Variants in RSRC2 observed in about 807,000 individuals in gnomAD.
The protein encoded by RSRC2 is arginine and serine rich coiled-coil 2.
A neutral mutation model predicts 61.3 loss-of-function variants in RSRC2; 5 were observed. The ratio of observed to expected loss-of-function variants is 0.08; its 90% CI spans 0.04 to 0.17. RSRC2 has a LOEUF of 0.17. Ranked by LOEUF, RSRC2 falls within the 10% of genes least tolerant of loss-of-function variation. RSRC2 has a pLI of 1.00. For missense variants in RSRC2, 381 were observed against 518.8 expected, an observed-to-expected ratio of 0.73 and a Z score of 2.58; for synonymous variants, 202 against 166.5, an observed-to-expected ratio of 1.21 and a Z score of -1.64.
Position 122,519,800 on chromosome 12 carries a change from C to A in RSRC2, c.208-771G>T, listed in dbSNP as rs1406922959. 3 of 152,520 alleles carry A rather than the reference C, an allele frequency of 2.0e-5. No individual in the cohort carries two copies. In the East Asian group the frequency reaches 5.8e-4, roughly 29 times the overall value. The allele number at this position is 152,520 out of a possible 1,614,324, so 9.4% of individuals were successfully genotyped here. A position where few individuals can be genotyped will look rare whatever the true frequency, so the allele number is the denominator to read the frequency against. On this transcript the variant is annotated intron_variant, in intron 3 of 9. Transcript: ENST00000331738. ...AGGCCTTCACATGTGCATTCAGAGA[C>A]TCAGCTCAAATTAACTGCATGATCA...
At chr12:122,514,830 A>T (rs549588657) in intron 6 of RSRC2, 129 of 737,436 alleles carry the variant, frequency 1.7e-4, no homozygotes, top group Non-Finnish European at 2.3e-4. Context: ...AAAGTTTCAA[A>T]TGCAAACTGA....
rs1958000912 is a variant in RSRC2 at position 122,504,219 on chromosome 12, A to C, written c.*1308T>G. The C allele has an allele frequency of 6.6e-6, 1 of 152,018 alleles. No individual in the cohort carries two copies. Among genetic ancestry groups the C allele is most frequent in the Non-Finnish European group, 1.5e-5 (1 of 68,036 alleles). The allele number at this position is 152,018 out of a possible 1,614,324, so 9.4% of individuals were successfully genotyped here. A position where few individuals can be genotyped will look rare whatever the true frequency, so the allele number is the denominator to read the frequency against. On this transcript the variant is annotated 3_prime_UTR_variant, in exon 10 of 10. Coordinates refer to ENST00000331738, the MANE Select transcript of RSRC2 (RefSeq NM_023012.6). ...CTCATTCTGTGATGTTTTCCAAAGG[A>C]TTTTTCAAAGGAAAGCCAAACCTTA...
chr12:122,521,260 C>G (rs1959200191), intron 3 of RSRC2, 125 bp downstream of exon 3: 1 of 609,666 alleles, frequency 1.6e-6, no homozygotes, highest in South Asian at 2.6e-5. Flanking sequence ...ATTTTATAAC[C>G]CAATAAACCT....
chr12:122,526,191 A>G (rs1960339382), intron 1 of RSRC2: 1 of 152,296 alleles, frequency 6.6e-6, no homozygotes, highest in Non-Finnish European at 1.5e-5. Context: ...TCGGACTTCA[A>G]ATTGATTACA....
chr12:122,510,144 T>C (rs570935390), intron 7 of RSRC2, among the ~76,000 whole-genome samples: 16 of 151,772 alleles, frequency 1.1e-4, no homozygotes, highest in African/African-American at 3.6e-4. Context: ...AAATCTGCAA[T>C]GTTTGTTACG....
intron 1 of RSRC2, among the ~76,000 whole-genome samples, chr12:122,525,145 G>A (rs1222092803): frequency 1.3e-5 from 2 of 152,070 alleles, no homozygotes; most frequent in Non-Finnish European, 2.9e-5. Context: ...AGGCCGAGGC[G>A]GGTGGATCAT....
intron 5 of RSRC2, among the ~76,000 whole-genome samples, chr12:122,515,776 G>T (rs901470684): frequency 8.5e-5 from 13 of 152,142 alleles, no homozygotes; most frequent in Non-Finnish European, 1.9e-4. Flanking sequence ...GATGACCTGA[G>T]GTCAGGAGTT....
chr12:122,510,241 G>C (rs893352795), intron 7 of RSRC2, among the ~76,000 whole-genome samples: 1 of 152,090 alleles, frequency 6.6e-6, no homozygotes, highest in Non-Finnish European at 1.5e-5. Context: ...AATCGTAAAA[G>C]ACATCTGGGG....
chr12:122,514,556 G>A, intron 6 of RSRC2: 1 of 972,132 alleles, frequency 1.0e-6, no homozygotes, highest in Non-Finnish European at 1.2e-6. Context: ...GTGACCGATT[G>A]CACCCGGCCG....
chr12:122,515,177 C>G lies in RSRC2; in HGVS notation c.653G>C (p.Ser218Thr). The part of the protein sequence containing the change: ...EKPRRFSRSL[S>T]RTPSPPPFRG... ...GAAGGGAGGTGGACTTGGAGTCCGG[C>G]TTAAACTTCTGCTAAATCTTCTCGG... The change falls in exon 6 of 10, where the codon AGC (serine) becomes ACC (threonine). Residue 218 changes from serine (S) to threonine (T), a missense_variant. Transcript: ENST00000331738. The G allele has an allele frequency of 1.2e-6, 2 of 1,614,136 alleles. No individual in the cohort carries two copies. The highest frequency in any genetic ancestry group is 1.7e-6 in the Non-Finnish European group (2 of 1,179,992).
intron 5 of RSRC2, among the ~76,000 whole-genome samples, chr12:122,516,541 C>T (rs1037052953): frequency 3.3e-5 from 5 of 152,292 alleles, no homozygotes; most frequent in East Asian, 1.9e-4. Flanking sequence ...TCTTTAAGCA[C>T]GACACACTTA....
intron 4 of RSRC2, 40 bp downstream of exon 4, chr12:122,518,799 C>A (rs1378277352): frequency 2.7e-6 from 4 of 1,494,530 alleles, no homozygotes; most frequent in Non-Finnish European, 3.7e-6. Context: ...CTTTATGTAA[C>A]TTGTTAGAAG....
At chr12:122,515,336 G>C in intron 5 of RSRC2, 109 bp from the exon 6 acceptor site, 1 of 1,100,108 alleles carries the variant, frequency 9.1e-7, no homozygotes, top group Non-Finnish European at 1.3e-6. Context: ...AAAACATTTA[G>C]TTTGAGATGC....
chr12:122,512,262 TGAAA>T (rs1250661932), intron 6 of RSRC2, among the ~76,000 whole-genome samples: 1 of 152,228 alleles, frequency 6.6e-6, no homozygotes, highest in Non-Finnish European at 1.5e-5. Flanking sequence ...AATGAATTCC[TGAAA>T]GAGGAACTCT....
At chr12:122,519,685 G>C (rs144551229) in intron 3 of RSRC2, 3 of 152,512 alleles carry the variant, frequency 2.0e-5, no homozygotes, top group Non-Finnish European at 2.9e-5. Flanking sequence ...AATGGCAACT[G>C]TATGTTTCAA....
In RSRC2 at chr12:122,517,330, A is replaced by T. The variant is rs1235677772; in HGVS notation, c.499T>A (p.Ser167Thr). ...SRSRERKKSR[S>T]RSRERKRRIR... ...CGCCGTTTTCTTTCCCTGCTTCTGG[A>T]TCTCGATTTCTTCCTCTCTCTGCTT... is the stretch of plus-strand genomic sequence containing the variant. The change falls in exon 5 of 10, where the codon TCC (serine) becomes ACC (threonine). Residue 167 changes from serine to threonine, a missense_variant. By Grantham distance (58) the Ser-to-Thr change is moderately conservative. Coordinates refer to ENST00000331738, the MANE Select transcript of RSRC2 (RefSeq NM_023012.6). 1 of 1,613,568 alleles carries T rather than the reference A, an allele frequency of 6.2e-7. No homozygotes were observed. The highest frequency in any genetic ancestry group is 1.1e-5 in the South Asian group (1 of 91,064).
chr12:122,525,813 T>G (rs1454317259), intron 1 of RSRC2, among the ~76,000 whole-genome samples: 167 of 6,358 alleles, frequency 0.026, 34 homozygotes, highest in Non-Finnish European at 0.027. Flanking sequence ...TTTTTTTTTT[T>G]TTTTTTTTTT....
chr12:122,520,567 T>G (rs1959183139), intron 3 of RSRC2: 1 of 1,367,218 alleles, frequency 7.3e-7, no homozygotes, highest in East Asian at 4.5e-5. Context: ...TTCAGTCTCT[T>G]CGCGCATAAG....
chr12:122,521,598 C>T, intron 2 of RSRC2, among the ~76,000 whole-genome samples, 170 bp from the exon 3 acceptor site: 1 of 152,116 alleles, frequency 6.6e-6, no homozygotes, highest in Non-Finnish European at 1.5e-5. Flanking sequence ...ACATGTGAAA[C>T]AAATCAAGCA....
Sources: gnomAD v4.1 joint callset for allele counts (sites outside exome capture counted in the v4.1 genomes callset) on GRCh38, gnomAD v4.1.1 for gene constraint, MANE v1.5 for transcripts, NCBI Gene and HGNC (gene_info 2026-07-23, HGNC 2026-07-21) for gene names.